Variants in TGM6 observed in about 807,000 individuals in gnomAD.
The protein encoded by TGM6 is protein-glutamine gamma-glutamyltransferase 6.
In TGM6, 74 loss-of-function variants were observed where a neutral mutation model predicts 77.5. That is an observed-to-expected ratio of 0.96 (90% CI 0.79 to 1.16). TGM6 has a LOEUF of 1.16. Ranked by LOEUF, TGM6 falls within the 50% of genes most tolerant of loss-of-function variation. The probability of loss-of-function intolerance (pLI) is 0.00; values close to 1 mark genes in which losing one functional copy is unlikely to be tolerated. For synonymous variants in TGM6, 383 were observed against 378.9 expected, an observed-to-expected ratio of 1.01 and a Z score of -0.12; for missense variants, 968 against 940.2, an observed-to-expected ratio of 1.03 and a Z score of -0.39.
In TGM6 at chr20:2,397,610, A is replaced by T. The variant is rs948163281; in HGVS notation, c.544-308A>T. Among the ~76,000 whole-genome samples, 6 of 152,376 alleles carry T rather than the reference A, an allele frequency of 3.9e-5. No individual in the cohort carries two copies. The East Asian group carries it at 5.8e-4, about 15-fold the overall frequency. ...AAAACATCATGTAGACCAAATGAGCATATCAGCGAGGTGGATGTGGCTCGA... is the reference window on the plus strand; with the variant it reads ...AAAACATCATGTAGACCAAATGAGCTTATCAGCGAGGTGGATGTGGCTCGA... On this transcript the variant is annotated intron_variant, in intron 4 of 12. Coordinates refer to ENST00000202625, the MANE Select transcript of TGM6 (RefSeq NM_198994.3).
intron 10 of TGM6, among the ~76,000 whole-genome samples, chr20:2,419,163 G>A (rs1010519851): frequency 1.3e-5 from 2 of 152,022 alleles, no homozygotes; most frequent in Non-Finnish European, 2.9e-5. Flanking sequence ...CTCCTTCCCT[G>A]TCTGTCTCTC....
At chr20:2,384,043 C>T (rs2084575665) in intron 1 of TGM6, among the ~76,000 whole-genome samples, 1 of 146,602 alleles carries the variant, frequency 6.8e-6, no homozygotes, top group Admixed American at 7.1e-5. Context: ...GGAGGCGGAG[C>T]TTGCAGTGAG....
At chr20:2,387,757 C>T (rs575809616) in intron 1 of TGM6, among the ~76,000 whole-genome samples, 1 of 152,344 alleles carries the variant, frequency 6.6e-6, no homozygotes, top group East Asian at 1.9e-4. Context: ...CAATCATTCT[C>T]CTGCTTAGGA....
chr20:2,409,121 T>C (rs1218181710), intron 9 of TGM6, among the ~76,000 whole-genome samples: 3 of 152,180 alleles, frequency 2.0e-5, no homozygotes, highest in Non-Finnish European at 4.4e-5. Context: ...ATTGAAATCA[T>C]ACAAAGTGTA....
At chr20:2,397,419 G>T (rs1176704574) in intron 4 of TGM6, among the ~76,000 whole-genome samples, 1 of 152,188 alleles carries the variant, frequency 6.6e-6, no homozygotes, top group Non-Finnish European at 1.5e-5. Context: ...CGGGTGCTGG[G>T]CAGGGAAGTT....
At position 2,382,893 on chromosome 20, in the gene TGM6, G is replaced by C. The variant is rs140640816; in HGVS notation, c.7+1918G>C. 3.8e-3 allele frequency among the ~76,000 whole-genome samples: 578 copies of C among 152,326 alleles called. 10 individuals are homozygous for C. The highest frequency in any genetic ancestry group is 0.014 in the African/African-American group (565 of 41,562). On this transcript the variant is annotated intron_variant, in intron 1 of 12. Coordinates refer to ENST00000202625, the MANE Select transcript of TGM6 (RefSeq NM_198994.3). ...CAGCTCTTTAAGTACCAGTTGATCA[G>C]TGTTGGCAAAGGAGGTGAGACCCTT...
intron 1 of TGM6, among the ~76,000 whole-genome samples, chr20:2,384,106 C>CA (rs35843804): frequency 0.23 from 19,569 of 84,202 alleles, 1,888 homozygotes; most frequent in South Asian, 0.38. Context: ...GACTCCGTCT[C>CA]AAAAAAAAAA....
At chr20:2,402,035 C>T (rs180756276) in intron 7 of TGM6, among the ~76,000 whole-genome samples, 27 of 151,986 alleles carry the variant, frequency 1.8e-4, no homozygotes, top group African/African-American at 6.5e-4. Flanking sequence ...GTCAGGAGTT[C>T]GAGACCAGCC....
intron 10 of TGM6, among the ~76,000 whole-genome samples, chr20:2,421,388 T>C (rs552435368): frequency 2.0e-5 from 3 of 152,238 alleles, no homozygotes; most frequent in African/African-American, 7.2e-5. Flanking sequence ...CCAAAGTGGC[T>C]GTATCATTTT....
At chr20:2,411,583 G>A (rs1271634176) in intron 9 of TGM6, among the ~76,000 whole-genome samples, 1 of 152,074 alleles carries the variant, frequency 6.6e-6, no homozygotes, top group Non-Finnish European at 1.5e-5. Context: ...CCCAAAATCA[G>A]GGACAAGACC....
At chr20:2,381,054 C>G in intron 1 of TGM6, 79 bp downstream of exon 1, 1 of 1,554,728 alleles carries the variant, frequency 6.4e-7, no homozygotes, top group Non-Finnish European at 8.8e-7. Flanking sequence ...TGTGGGATGA[C>G]GTTTGATCAT....
chr20:2,429,454 A>G (rs1041688336), intron 10 of TGM6, among the ~76,000 whole-genome samples: 2 of 148,590 alleles, frequency 1.3e-5, no homozygotes, highest in Non-Finnish European at 3.0e-5. Context: ...AAGAAAGAAT[A>G]TATAGTAGTC....
intron 9 of TGM6, among the ~76,000 whole-genome samples, chr20:2,408,623 C>T (rs1000420600): frequency 1.3e-5 from 2 of 152,104 alleles, no homozygotes; most frequent in Non-Finnish European, 2.9e-5. Flanking sequence ...ATATGAAGGG[C>T]TTTTAATGCC....
rs974505409 is a variant in TGM6, at chr20:2,397,774, G to A, written c.544-144G>A. 3 of 1,285,304 alleles carry A rather than the reference G, an allele frequency of 2.3e-6. No individual in the cohort carries two copies. The South Asian group carries it at 3.7e-5, about 16-fold the overall frequency. The allele number at this position is 1,285,304 out of a possible 1,614,324, so 79.6% of individuals were successfully genotyped here. On this transcript the variant is annotated intron_variant, in intron 4 of 12. Coordinates refer to ENST00000202625, the MANE Select transcript of TGM6 (RefSeq NM_198994.3). ...TGAGGAAGGGTTTCCAAGACTAGGG[G>A]GTGCTCTGTGATGCCCCTGGTGGTT...
rs1284099173 is a variant in TGM6, at chr20:2,411,237, A to G, written c.1337-5995A>G. Among the ~76,000 whole-genome samples the G allele has an allele frequency of 2.6e-5, 4 of 152,204 alleles. 1 individual carries two copies. Among genetic ancestry groups the G allele is most frequent in the Admixed American group, 2.0e-4 (3 of 15,276 alleles). ...ACAATGAAAGCAAAAATTCATGAAT[A>G]TGGAATGAATTCAGCTTACTGATAA... is the stretch of plus-strand genomic sequence containing the variant. On this transcript the variant is annotated intron_variant, in intron 9 of 12. Coordinates refer to ENST00000202625, the MANE Select transcript of TGM6 (RefSeq NM_198994.3).
intron 9 of TGM6, among the ~76,000 whole-genome samples, chr20:2,416,691 A>C (rs1337987483): frequency 6.6e-6 from 1 of 152,124 alleles, no homozygotes; most frequent in Non-Finnish European, 1.5e-5. Flanking sequence ...TTCGTCTATA[A>C]TCTAGTCCTG....
intron 9 of TGM6, among the ~76,000 whole-genome samples, chr20:2,410,819 G>A (rs964208770): frequency 2.0e-5 from 3 of 152,166 alleles, no homozygotes; most frequent in Non-Finnish European, 2.9e-5. Flanking sequence ...GGGATACTAT[G>A]AGCAACTGCG....
chr20:2,399,555 G>A lies in TGM6; in HGVS notation c.673-6G>A. 6.2e-7 allele frequency: 1 copy of A among 1,612,466 alleles called. No individual in the cohort carries two copies. Among genetic ancestry groups the A allele is most frequent in the Non-Finnish European group, 8.5e-7 (1 of 1,179,882 alleles). On this transcript the variant is annotated splice_region_variant and splice_polypyrimidine_tract_variant and intron_variant, in intron 5 of 12. Coordinates refer to ENST00000202625, the MANE Select transcript of TGM6 (RefSeq NM_198994.3). The stretch of plus-strand genomic sequence containing the variant: ...TGGTTGTGGACCCGTGCCCTCCTCT[G>A]CCCAGGTGAACAGCAACAACGACCG...
chr20:2,424,724 C>G (rs1294883493), intron 10 of TGM6, among the ~76,000 whole-genome samples: 1 of 152,164 alleles, frequency 6.6e-6, no homozygotes, highest in Non-Finnish European at 1.5e-5. Context: ...CACAAGAGGC[C>G]TAGCTTTTGG....
Sources: gnomAD v4.1 joint callset for allele counts (sites outside exome capture counted in the v4.1 genomes callset) on GRCh38, gnomAD v4.1.1 for gene constraint, MANE v1.5 for transcripts, NCBI Gene and HGNC (gene_info 2026-07-23, HGNC 2026-07-21) for gene names.